Variants in DPYSL3 observed in about 807,000 individuals in gnomAD.
The protein encoded by DPYSL3 is dihydropyrimidinase like 3.
DPYSL3 carries 16 observed loss-of-function variants against 66.1 expected under a neutral mutation model. That is an observed-to-expected ratio of 0.24 (90% CI 0.16 to 0.37). DPYSL3 has a LOEUF of 0.37. Ranked by LOEUF, DPYSL3 falls within the 10% of genes least tolerant of loss-of-function variation. DPYSL3 has a pLI of 1.00. For missense variants in DPYSL3, 738 were observed against 916.2 expected, an observed-to-expected ratio of 0.81 and a Z score of 2.51; for synonymous variants, 338 against 345.1, an observed-to-expected ratio of 0.98 and a Z score of 0.23.
At chr5:147,398,593 C>T (rs866749308) in intron 11 of DPYSL3, among the ~76,000 whole-genome samples, 3 of 152,206 alleles carry the variant, frequency 2.0e-5, no homozygotes, top group Admixed American at 2.0e-4. Context: ...AATTATCATC[C>T]TCCATGTGAA....
At chr5:147,442,498 G>C (rs1051380202) in intron 1 of DPYSL3, among the ~76,000 whole-genome samples, 9 of 152,208 alleles carry the variant, frequency 5.9e-5, no homozygotes, top group Non-Finnish European at 1.3e-4. Context: ...ATTTCAATCT[G>C]TAGTCTGATA....
At chr5:147,467,454 C>A (rs1360809998) in intron 1 of DPYSL3, among the ~76,000 whole-genome samples, 1 of 152,194 alleles carries the variant, frequency 6.6e-6, no homozygotes, top group Non-Finnish European at 1.5e-5. Flanking sequence ...CCTGCCCAAC[C>A]TGGCCCCTAG....
intron 2 of DPYSL3, among the ~76,000 whole-genome samples, chr5:147,420,745 C>T (rs1370335038): frequency 6.6e-6 from 1 of 152,206 alleles, no homozygotes; most frequent in East Asian, 1.9e-4. Flanking sequence ...TTCTCTCCAC[C>T]ACCAACACAC....
chr5:147,435,056 C>A (rs1752391809), intron 1 of DPYSL3, among the ~76,000 whole-genome samples: 1 of 152,036 alleles, frequency 6.6e-6, no homozygotes, highest in African/African-American at 2.4e-5. Flanking sequence ...CACAATTTTT[C>A]TGTAAGCCTA....
At chr5:147,417,032 T>G (rs1402379786) in intron 3 of DPYSL3, among the ~76,000 whole-genome samples, 1 of 152,222 alleles carries the variant, frequency 6.6e-6, no homozygotes, top group East Asian at 1.9e-4. Flanking sequence ...ACAGCCAAAC[T>G]CTAACAGCGA....
At chr5:147,450,691 G>A (rs1752711448) in intron 1 of DPYSL3, among the ~76,000 whole-genome samples, 1 of 152,118 alleles carries the variant, frequency 6.6e-6, no homozygotes, top group Non-Finnish European at 1.5e-5. Flanking sequence ...AATAAAAATA[G>A]GTGGAAGGAG....
At chr5:147,495,676 G>T (rs933093369) in intron 1 of DPYSL3, among the ~76,000 whole-genome samples, 11 of 152,066 alleles carry the variant, frequency 7.2e-5, no homozygotes, top group Non-Finnish European at 1.3e-4. Context: ...AAATACCTAG[G>T]AATCCAACTT....
intron 1 of DPYSL3, among the ~76,000 whole-genome samples, chr5:147,452,437 C>G (rs983454071): frequency 6.8e-6 from 1 of 146,018 alleles, no homozygotes; most frequent in Non-Finnish European, 1.5e-5. Flanking sequence ...CATTCCCCCA[C>G]TACACACACA....
At chr5:147,475,754 A>T (rs1033902711) in intron 1 of DPYSL3, among the ~76,000 whole-genome samples, 5 of 152,186 alleles carry the variant, frequency 3.3e-5, no homozygotes, top group Non-Finnish European at 5.9e-5. Context: ...TTGTCTTAAC[A>T]TGCTATAATG....
intron 1 of DPYSL3, among the ~76,000 whole-genome samples, chr5:147,426,886 A>G (rs112975516): frequency 6.6e-6 from 1 of 152,196 alleles, no homozygotes; most frequent in African/African-American, 2.4e-5. Flanking sequence ...ATACAGATCA[A>G]TGAAGTGTTC....
rs1757943915 is a variant in DPYSL3 at position 147,395,590 on chromosome 5, C to T, written c.1935G>A (p.Arg645=). 6.2e-7 allele frequency: 1 copy of T among 1,613,710 alleles called. No individual in the cohort carries two copies. The highest frequency in any genetic ancestry group is 2.2e-5 in the East Asian group (1 of 44,852). The change falls in exon 13 of 14, where the codon AGG becomes AGA. Residue 645 remains arginine (R), a synonymous_variant. Coordinates refer to ENST00000343218, the MANE Select transcript of DPYSL3 (RefSeq NM_001197294.2). The part of the protein sequence containing the change: ...GSPTRPNPPV[R]NLHQSGFSLS... ...GGCTAAATCCCGACTGATGAAGATT[C>T]CTCACAGGTGGGTTCGGCCGAGTAG...
intron 1 of DPYSL3, among the ~76,000 whole-genome samples, chr5:147,500,431 T>A (rs1753585239): frequency 6.6e-6 from 1 of 151,896 alleles, no homozygotes; most frequent in South Asian, 2.1e-4. Context: ...CTAGCCAACA[T>A]GGTGAAATCG....
At chr5:147,421,937 G>A (rs150971203) in intron 2 of DPYSL3, among the ~76,000 whole-genome samples, 5,251 of 152,108 alleles carry the variant, frequency 0.035, 232 homozygotes, top group East Asian at 0.16. Context: ...ACCACTCAGG[G>A]CATAGGCATG....
Position 147,400,678 on chromosome 5 carries a change from C to T in DPYSL3, c.1452+14G>A, listed in dbSNP as rs765795345. ...TTTGGCTCTGGCCACCCTCCCATGA[C>T]CTCCATGCCTTACCACAGCCTTGTC... On this transcript the variant is annotated intron_variant, in intron 10 of 13. Transcript: ENST00000343218. 2.5e-6 allele frequency: 4 copies of T among 1,613,052 alleles called. No individual in the cohort carries two copies. In the South Asian group the frequency reaches 4.4e-5, roughly 18 times the overall value.
At chr5:147,459,600 CAA>C (rs532681119) in intron 1 of DPYSL3, among the ~76,000 whole-genome samples, 4 of 142,668 alleles carry the variant, frequency 2.8e-5, no homozygotes, top group African/African-American at 2.6e-5. Context: ...ACACATAAAC[CAA>C]AAAAAAAAAA....
At position 147,424,068 on chromosome 5, in the gene DPYSL3, T is replaced by C. The variant is rs528534801; in HGVS notation, c.470+807A>G. Among the ~76,000 whole-genome samples, 3 of 152,248 alleles carry C rather than the reference T, an allele frequency of 2.0e-5. No individual in the cohort carries two copies. In the East Asian group the frequency reaches 5.8e-4, roughly 29 times the overall value. On this transcript the variant is annotated intron_variant, in intron 2 of 13. Coordinates refer to ENST00000343218, the MANE Select transcript of DPYSL3 (RefSeq NM_001197294.2). ...AAGCACACAGAAGGGAAAGCTAGCC[T>C]AGACTTGGGGGCTGGTAAAAAAAGT...
At chr5:147,491,402 T>C (rs1261856007) in intron 1 of DPYSL3, among the ~76,000 whole-genome samples, 1 of 152,182 alleles carries the variant, frequency 6.6e-6, no homozygotes, top group Non-Finnish European at 1.5e-5. Flanking sequence ...TTGCAAGGTA[T>C]ACTAAAAGGC....
chr5:147,469,008 C>T (rs1435994589), intron 1 of DPYSL3, among the ~76,000 whole-genome samples: 1 of 152,188 alleles, frequency 6.6e-6, no homozygotes, highest in East Asian at 1.9e-4. Context: ...TCCACGACAA[C>T]ACCAATAAAA....
At chr5:147,475,418 C>A (rs1753143019) in intron 1 of DPYSL3, among the ~76,000 whole-genome samples, 1 of 152,070 alleles carries the variant, frequency 6.6e-6, no homozygotes, top group Non-Finnish European at 1.5e-5. Flanking sequence ...AATAATAGCA[C>A]TTCAAAAGCA....
Sources: allele counts gnomAD v4.1 joint callset (sites outside exome capture counted in the v4.1 genomes callset), GRCh38; gene constraint gnomAD v4.1.1; transcripts MANE v1.5; gene names NCBI Gene and HGNC (gene_info 2026-07-23, HGNC 2026-07-21).